The following SLC39A8 variants were observed in gnomAD, a reference collection of about 807,000 sequenced individuals.
The protein encoded by SLC39A8 is metal cation symporter ZIP8.
A neutral mutation model predicts 40.4 loss-of-function variants in SLC39A8; 15 were observed. That is an observed-to-expected ratio of 0.37 (90% confidence interval 0.25 to 0.57). The LOEUF is 0.57. Ranked by LOEUF, SLC39A8 falls within the 20% of genes least tolerant of loss-of-function variation. The probability of loss-of-function intolerance (pLI) is 0.75; values close to 1 mark genes in which losing one functional copy is unlikely to be tolerated. For missense variants in SLC39A8, 472 were observed against 558.8 expected (o/e 0.84, Z 1.57); for synonymous variants, 223 against 221.6 (o/e 1.01, Z -0.06).
intron 3 of SLC39A8, among the ~76,000 whole-genome samples, chr4:102,308,232 C>G (rs1432964391): frequency 2.6e-5 from 4 of 152,068 alleles, no homozygotes; most frequent in Non-Finnish European, 4.4e-5. Context: ...AATAAGCACT[C>G]AGGAAGTGAG....
At chr4:102,327,374 T>C (rs1266380891) in intron 2 of SLC39A8, among the ~76,000 whole-genome samples, 2 of 152,202 alleles carry the variant, frequency 1.3e-5, no homozygotes, top group Non-Finnish European at 1.5e-5. Context: ...GATAGATGAA[T>C]ACTCTATCCT....
intron 2 of SLC39A8, among the ~76,000 whole-genome samples, chr4:102,339,663 C>T (rs1735824736): frequency 6.6e-6 from 1 of 152,100 alleles, no homozygotes; most frequent in African/African-American, 2.4e-5. Flanking sequence ...ATCTTTGGGG[C>T]CTTTTGCATA....
exon 12 of SLC39A8, chr4:102,251,410 C>G (rs1018277675): frequency 6.6e-6 from 1 of 152,158 alleles, no homozygotes; most frequent in Non-Finnish European, 1.5e-5. Flanking sequence ...ACACAGTGCC[C>G]ACTTCAAAGC....
chr4:102,268,489 A>G (rs908873870), intron 6 of SLC39A8, among the ~76,000 whole-genome samples: 1 of 152,240 alleles, frequency 6.6e-6, no homozygotes, highest in Admixed American at 6.5e-5. Context: ...GAAATCCACA[A>G]CTAGAGCATG....
Position 102,262,950 on chromosome 4 carries a change from C to A in SLC39A8, c.*94G>T, listed in dbSNP as rs1731931610. The A allele has an allele frequency of 2.1e-6, 3 of 1,460,940 alleles. No homozygotes were observed. In the East Asian group the frequency reaches 7.1e-5, roughly 35 times the overall value. The allele number at this position is 1,460,940 out of a possible 1,614,324, so 90.5% of individuals were successfully genotyped here. A position where few individuals can be genotyped will look rare whatever the true frequency, so the allele number is the denominator to read the frequency against. On this transcript the variant is annotated 3_prime_UTR_variant, in exon 9 of 9. Transcript: ENST00000356736. The stretch of plus-strand genomic sequence containing the variant: ...GACCTACAGTTGAAAGCAAAATTAT[C>A]TTTTTAACTAAATAGGATCAGCTTC...
chr4:102,289,012 C>T (rs1361321742), intron 6 of SLC39A8, among the ~76,000 whole-genome samples: 2 of 152,118 alleles, frequency 1.3e-5, no homozygotes, highest in Non-Finnish European at 2.9e-5. Context: ...GAAGAAGATG[C>T]CATCCAGGGC....
At chr4:102,278,844 A>G (rs1732744766) in intron 6 of SLC39A8, among the ~76,000 whole-genome samples, 1 of 152,198 alleles carries the variant, frequency 6.6e-6, no homozygotes, top group South Asian at 2.1e-4. Flanking sequence ...TTGCAGGGAC[A>G]TGGATCAAGC....
chr4:102,313,792 T>C (rs1734544594), intron 3 of SLC39A8, among the ~76,000 whole-genome samples: 1 of 152,020 alleles, frequency 6.6e-6, no homozygotes, highest in Non-Finnish European at 1.5e-5. Flanking sequence ...TCTCACTATG[T>C]TTCCCAGGCT....
intron 2 of SLC39A8, among the ~76,000 whole-genome samples, chr4:102,330,948 G>A (rs1425954550): frequency 6.6e-6 from 1 of 152,182 alleles, no homozygotes; most frequent in Non-Finnish European, 1.5e-5. Context: ...AATAGATGCA[G>A]AAAAGGCTTT....
chr4:102,309,781 G>T (rs1171077852), intron 3 of SLC39A8, among the ~76,000 whole-genome samples: 1 of 152,032 alleles, frequency 6.6e-6, no homozygotes, highest in Non-Finnish European at 1.5e-5. Flanking sequence ...ATAAATAACA[G>T]GAACAGTAGG....
downstream of SLC39A8, among the ~76,000 whole-genome samples, chr4:102,261,418 C>G (rs540312291): frequency 6.6e-6 from 1 of 152,060 alleles, no homozygotes; most frequent in African/African-American, 2.4e-5. Context: ...TGTGGTAAAG[C>G]GAAACAGTCT....
intron 2 of SLC39A8, among the ~76,000 whole-genome samples, chr4:102,342,062 C>T (rs1343922489): frequency 2.0e-5 from 3 of 152,204 alleles, no homozygotes; most frequent in Non-Finnish European, 4.4e-5. Context: ...TAAAATTTTA[C>T]TCCAGAATTG....
chr4:102,263,005 T>C lies in SLC39A8; in HGVS notation c.*39A>G, dbSNP rs775286523. On this transcript the variant is annotated 3_prime_UTR_variant, in exon 9 of 9. Transcript: ENST00000356736. ...TCCTTTTTGGAGATGTTTTTATCTA[T>C]TAAATGCCTTTATTAACAACACCAT... 6.4e-7 allele frequency: 1 copy of C among 1,569,800 alleles called. No homozygotes were observed. The highest frequency in any genetic ancestry group is 1.2e-5 in the South Asian group (1 of 84,872).
intron 4 of SLC39A8, among the ~76,000 whole-genome samples, chr4:102,307,211 T>C (rs1457408717): frequency 1.3e-5 from 2 of 152,080 alleles, no homozygotes; most frequent in Non-Finnish European, 2.9e-5. Flanking sequence ...TCTGAGCACG[T>C]CCTAGTGGCT....
intron 2 of SLC39A8, among the ~76,000 whole-genome samples, chr4:102,341,636 T>C (rs879645851): frequency 2.0e-5 from 3 of 152,238 alleles, no homozygotes; most frequent in Non-Finnish European, 4.4e-5. Context: ...GCACTGTCAG[T>C]AGCTATAAGA....
At chr4:102,253,733 C>A (rs1253621503) in intron 11 of SLC39A8, among the ~76,000 whole-genome samples, 2 of 151,962 alleles carry the variant, frequency 1.3e-5, no homozygotes, top group African/African-American at 2.4e-5. Context: ...TAAAATGATT[C>A]ATAATCCCAT....
At chr4:102,296,577 G>T (rs1244508012) in intron 6 of SLC39A8, among the ~76,000 whole-genome samples, 2 of 151,982 alleles carry the variant, frequency 1.3e-5, no homozygotes, top group African/African-American at 4.8e-5. Flanking sequence ...AAGAATCTTT[G>T]CTCCTCATTT....
chr4:102,291,763 G>T (rs1391808678), intron 6 of SLC39A8, among the ~76,000 whole-genome samples: 2 of 151,916 alleles, frequency 1.3e-5, no homozygotes, highest in Non-Finnish European at 2.9e-5. Context: ...CTGACACCAG[G>T]AAATGTGTTC....
rs1731906517 is a variant in SLC39A8, at chr4:102,262,452, G to T, written c.*592C>A. 2.0e-6 allele frequency: 2 copies of T among 985,206 alleles called. No homozygotes were observed. The highest frequency in any genetic ancestry group is 4.7e-5 in the South Asian group (1 of 21,286). 61.0% of individuals were successfully genotyped at this position (985,206 alleles called of 1,614,324 possible). On this transcript the variant is annotated 3_prime_UTR_variant, in exon 9 of 9. Coordinates refer to ENST00000356736, the MANE Select transcript of SLC39A8 (RefSeq NM_001135146.2). The stretch of plus-strand genomic sequence containing the variant: ...TTATTTCCTAACTCCTATTATTTTA[G>T]AATGGTTTTCAAAATAATACTGCAA...
Sources: gnomAD v4.1 joint callset for allele counts (sites outside exome capture counted in the v4.1 genomes callset) on GRCh38, gnomAD v4.1.1 for gene constraint, MANE v1.5 for transcripts, NCBI Gene and HGNC (gene_info 2026-07-23, HGNC 2026-07-21) for gene names.